The following WFDC11 variants were observed in gnomAD, a reference collection of about 807,000 sequenced individuals.
The protein encoded by WFDC11 is WAP four-disulfide core domain 11.
WFDC11 carries 9 observed loss-of-function variants against 9.9 expected under a neutral mutation model. The observed-to-expected ratio is 0.91, with a 90% confidence interval of 0.55 to 1.58. The LOEUF (loss-of-function observed/expected upper bound fraction) is 1.58, where lower values mean the gene tolerates loss of function less well. WFDC11 is among the 40% of genes most tolerant of loss of function. The pLI is 0.00. For missense variants in WFDC11, 106 were observed against 101.7 expected, an observed-to-expected ratio of 1.04 and a Z score of -0.18; for synonymous variants, 32 against 33.3, an observed-to-expected ratio of 0.96 and a Z score of 0.13.
intron 2 of WFDC11, among the ~76,000 whole-genome samples, chr20:45,655,783 C>T (rs898923948): frequency 6.6e-6 from 1 of 152,080 alleles, no homozygotes; most frequent in African/African-American, 2.4e-5. Flanking sequence ...TTCTTATACA[C>T]CAATAACAGA....
intron 2 of WFDC11, among the ~76,000 whole-genome samples, chr20:45,658,494 G>C (rs910522690): frequency 6.6e-6 from 1 of 151,964 alleles, no homozygotes; most frequent in African/African-American, 2.4e-5. Flanking sequence ...GTGTGTAAAG[G>C]TGTTCATAGT....
chr20:45,654,828 C>G (rs1297660310), intron 2 of WFDC11, among the ~76,000 whole-genome samples: 1 of 152,204 alleles, frequency 6.6e-6, no homozygotes, highest in Non-Finnish European at 1.5e-5. Flanking sequence ...ACTAGAAAAT[C>G]TAGAAGAAAG....
intron 2 of WFDC11, among the ~76,000 whole-genome samples, chr20:45,664,436 T>A (rs547343388): frequency 6.6e-6 from 1 of 152,180 alleles, no homozygotes; most frequent in South Asian, 2.1e-4. Context: ...AGGTTAATAT[T>A]GTGTGTGAAT....
chr20:45,664,027 TAA>T (rs2145623320), intron 2 of WFDC11, among the ~76,000 whole-genome samples: 1 of 152,168 alleles, frequency 6.6e-6, no homozygotes, highest in East Asian at 1.9e-4. Flanking sequence ...AGTGGGGTGT[TAA>T]AGTCTCCCAT....
intron 2 of WFDC11, among the ~76,000 whole-genome samples, chr20:45,663,528 A>G (rs1239428974): frequency 6.6e-6 from 1 of 151,938 alleles, no homozygotes; most frequent in African/African-American, 2.4e-5. Context: ...TAGGGTGTTG[A>G]TTTTAGACCT....
At chr20:45,661,821 C>A (rs1299140925) in intron 2 of WFDC11, among the ~76,000 whole-genome samples, 11 of 151,984 alleles carry the variant, frequency 7.2e-5, no homozygotes, top group African/African-American at 2.7e-4. Flanking sequence ...GTTACTGTAG[C>A]CTTGTAGTAT....
intron 2 of WFDC11, among the ~76,000 whole-genome samples, chr20:45,662,963 T>C (rs1011311824): frequency 6.6e-6 from 1 of 152,234 alleles, no homozygotes; most frequent in Non-Finnish European, 1.5e-5. Flanking sequence ...TTCCCTCTTT[T>C]TCTATTGATT....
intron 2 of WFDC11, among the ~76,000 whole-genome samples, chr20:45,662,442 C>A (rs1326793587): frequency 1.3e-5 from 2 of 152,126 alleles, no homozygotes; most frequent in Non-Finnish European, 2.9e-5. Flanking sequence ...CAGGCCAGAA[C>A]TTCCAACACT....
intron 2 of WFDC11, among the ~76,000 whole-genome samples, chr20:45,655,768 A>T (rs1982916561): frequency 6.6e-6 from 1 of 152,184 alleles, no homozygotes; most frequent in African/African-American, 2.4e-5. Context: ...CAAAAATCAC[A>T]AGCATTCTTA....
At chr20:45,658,654 C>A (rs972211397) in intron 2 of WFDC11, among the ~76,000 whole-genome samples, 1 of 151,918 alleles carries the variant, frequency 6.6e-6, no homozygotes, top group African/African-American at 2.4e-5. Context: ...AAAGAACCAG[C>A]TTTTTGTTTC....
At chr20:45,650,973 T>C (rs989656428) in intron 2 of WFDC11, among the ~76,000 whole-genome samples, 1 of 152,202 alleles carries the variant, frequency 6.6e-6, no homozygotes, top group African/African-American at 2.4e-5. Context: ...ACAGGAAAAC[T>C]TGTATCATGA....
At chr20:45,662,416 G>C (rs6104282) in intron 2 of WFDC11, among the ~76,000 whole-genome samples, 32,926 of 151,652 alleles carry the variant, frequency 0.22, 4,134 homozygotes, top group East Asian at 0.41. Context: ...TTATTTCCTT[G>C]TCCTGCCTAA....
intron 1 of WFDC11, 46 bp from the exon 2 acceptor site, chr20:45,667,215 T>C (rs946730607): frequency 6.6e-6 from 1 of 152,232 alleles, no homozygotes; most frequent in African/African-American, 2.4e-5. Flanking sequence ...ATTATGCAGA[T>C]CTTAGTCATG....
At chr20:45,648,819 C>A in intron 4 of WFDC11, 80 bp from the exon 5 acceptor site, 1 of 1,391,842 alleles carries the variant, frequency 7.2e-7, no homozygotes, top group Non-Finnish European at 1.0e-6. Context: ...TTAATAGTAT[C>A]CATGTTCACC....
chr20:45,650,181 T>C (rs971046703), intron 3 of WFDC11, among the ~76,000 whole-genome samples: 2 of 151,638 alleles, frequency 1.3e-5, no homozygotes, highest in African/African-American at 2.4e-5. Flanking sequence ...CATTGGAAAA[T>C]ATTTTTATGT....
At chr20:45,667,598 G>T (rs1295219155) in intron 1 of WFDC11, among the ~76,000 whole-genome samples, 1 of 152,190 alleles carries the variant, frequency 6.6e-6, no homozygotes, top group Non-Finnish European at 1.5e-5. Context: ...GTGAGGAAAA[G>T]AGAGATCTCT....
intron 2 of WFDC11, among the ~76,000 whole-genome samples, chr20:45,666,036 AC>A (rs1983181114): frequency 6.6e-6 from 1 of 152,138 alleles, no homozygotes; most frequent in Non-Finnish European, 1.5e-5. Flanking sequence ...AGTGGTGGTG[AC>A]TATAGAGGCC....
chr20:45,662,401 AC>A (rs1242136230), intron 2 of WFDC11, among the ~76,000 whole-genome samples: 1 of 152,142 alleles, frequency 6.6e-6, no homozygotes, highest in Non-Finnish European at 1.5e-5. Flanking sequence ...CTAATTGAAT[AC>A]ACTTTATTTC....
chr20:45,663,617 G>A (rs1285771238), intron 2 of WFDC11, among the ~76,000 whole-genome samples: 2 of 152,194 alleles, frequency 1.3e-5, no homozygotes, highest in Non-Finnish European at 2.9e-5. Flanking sequence ...AGAGATTCTG[G>A]TACGCTGTGT....
Sources: gnomAD v4.1 joint callset for allele counts (sites outside exome capture counted in the v4.1 genomes callset) on GRCh38, gnomAD v4.1.1 for gene constraint, MANE v1.5 for transcripts, NCBI Gene and HGNC (gene_info 2026-07-23, HGNC 2026-07-21) for gene names.